Variants in HHIP observed in about 807,000 individuals in gnomAD.
HHIP encodes the protein hedgehog-interacting protein.
A neutral mutation model predicts 74.0 loss-of-function variants in HHIP; 12 were observed. That is an observed-to-expected ratio of 0.16 (90% CI 0.10 to 0.26). The LOEUF (loss-of-function observed/expected upper bound fraction) is 0.26, where lower values mean the gene tolerates loss of function less well. Among genes scored for constraint, HHIP ranks in the 10% least tolerant of loss-of-function variants. The pLI, the probability that HHIP is intolerant of heterozygous loss-of-function variation, is 1.00. For synonymous variants in HHIP, 309 were observed against 311.6 expected, an observed-to-expected ratio of 0.99 and a Z score of 0.09; for missense variants, 788 against 845.0, an observed-to-expected ratio of 0.93 and a Z score of 0.84.
Position 144,658,821 on chromosome 4 carries a change from C to T in HHIP, c.504C>T (p.Cys168=). The T allele has an allele frequency of 1.2e-6, 2 of 1,612,942 alleles. No individual in the cohort carries two copies. The highest frequency in any genetic ancestry group is 1.7e-6 in the Non-Finnish European group (2 of 1,179,326). Residue 168 remains cysteine, a synonymous_variant, in exon 3 of 13, where the codon TGC becomes TGT. Transcript: ENST00000296575. ...TTCAAACAACTGCGGATGAGTTTTG[C>T]TTTTACTATGCAAGAAAAGATGGTG... ...GFLQTTADEF[C]FYYARKDGGL... is the part of the protein sequence containing the mutation.
At chr4:144,703,570 C>A (rs1366718247) in intron 4 of HHIP, among the ~76,000 whole-genome samples, 1 of 152,020 alleles carries the variant, frequency 6.6e-6, no homozygotes, top group South Asian at 2.1e-4. Flanking sequence ...GCTGGGTTAT[C>A]GGATTTGGAA....
At chr4:144,674,610 A>T (rs1010778670) in intron 4 of HHIP, among the ~76,000 whole-genome samples, 1 of 152,204 alleles carries the variant, frequency 6.6e-6, no homozygotes, top group Admixed American at 6.5e-5. Context: ...AAAAAAAACG[A>T]ATAAATCAAT....
intron 4 of HHIP, among the ~76,000 whole-genome samples, chr4:144,679,695 T>C (rs982812390): frequency 2.6e-5 from 4 of 152,206 alleles, no homozygotes; most frequent in Non-Finnish European, 5.9e-5. Context: ...ATGTGTGGCA[T>C]TATTTCTGAG....
At chr4:144,712,316 C>A (rs1433036513) in intron 8 of HHIP, among the ~76,000 whole-genome samples, 1 of 152,052 alleles carries the variant, frequency 6.6e-6, no homozygotes, top group Non-Finnish European at 1.5e-5. Flanking sequence ...AAAAATTTAA[C>A]CGTCCTTCAA....
intron 3 of HHIP, 90 bp downstream of exon 3, chr4:144,659,036 A>G (rs758595894): frequency 9.5e-6 from 10 of 1,049,478 alleles, no homozygotes; most frequent in Middle Eastern, 2.2e-4. Flanking sequence ...GTCTGTGCTT[A>G]TGTTCAGCAG....
At chr4:144,728,132 T>C (rs1438675203) in intron 11 of HHIP, among the ~76,000 whole-genome samples, 2 of 152,210 alleles carry the variant, frequency 1.3e-5, no homozygotes, top group Non-Finnish European at 2.9e-5. Context: ...TCTGACAATG[T>C]TATTAGCAGT....
intron 4 of HHIP, among the ~76,000 whole-genome samples, chr4:144,700,709 G>T (rs1385307998): frequency 6.6e-6 from 1 of 152,090 alleles, no homozygotes; most frequent in African/African-American, 2.4e-5. Flanking sequence ...AAAGAAAATG[G>T]ATTATCTTCT....
At chr4:144,736,384 C>T (rs1314591155) in intron 12 of HHIP, among the ~76,000 whole-genome samples, 3 of 152,124 alleles carry the variant, frequency 2.0e-5, no homozygotes, top group African/African-American at 7.2e-5. Flanking sequence ...GATCTGCCAC[C>T]TTGGCCTCCC....
In HHIP at chr4:144,659,695, G is replaced by C; in HGVS notation, c.688G>C (p.Val230Leu). Residue 230 changes from valine (V) to leucine (L), a missense_variant, in exon 4 of 13, where the codon GTT becomes CTT. Transcript: ENST00000296575. The stretch of plus-strand genomic sequence containing the variant: ...GGTTGTGAGTGGGCTGCGGCAGCCC[G>C]TTGGTGCCCTGCATAGTGGGGATGG... ...QEVVSGLRQP[V>L]GALHSGDGSQ... The C allele has an allele frequency of 6.3e-7, 1 of 1,581,750 alleles. No individual in the cohort carries two copies. The highest frequency in any genetic ancestry group is 2.3e-5 in the East Asian group (1 of 44,302).
At chr4:144,674,123 T>C (rs1394024644) in intron 4 of HHIP, among the ~76,000 whole-genome samples, 1 of 152,224 alleles carries the variant, frequency 6.6e-6, no homozygotes, top group African/African-American at 2.4e-5. Flanking sequence ...ATAATTTTCA[T>C]TGTGGGTGTT....
At chr4:144,681,213 C>G (rs1162708770) in intron 4 of HHIP, among the ~76,000 whole-genome samples, 2 of 152,070 alleles carry the variant, frequency 1.3e-5, no homozygotes, top group East Asian at 3.9e-4. Context: ...CAGGGATTTT[C>G]AGGTGTATAT....
rs575269592 is a variant in HHIP, at chr4:144,691,045, C to T, written c.832-15486C>T. On this transcript the variant is annotated intron_variant, in intron 4 of 12. Transcript: ENST00000296575. ...CCATATTCCTACTTCAAGACTGTTT[C>T]GAAATGCTGTGTAATATTACACAAA... is the stretch of plus-strand genomic sequence containing the variant. Among the ~76,000 whole-genome samples the T allele has an allele frequency of 5.3e-5, 8 of 152,142 alleles. No individual in the cohort carries two copies. In the South Asian group the frequency reaches 1.2e-3, roughly 24 times the overall value.
chr4:144,714,198 T>C (rs1730381086), intron 8 of HHIP, 27 bp from the exon 9 acceptor site: 1 of 1,598,152 alleles, frequency 6.3e-7, no homozygotes, highest in Non-Finnish European at 8.6e-7. Context: ...TATGTTTCAT[T>C]TGATCTAATG....
At chr4:144,686,057 C>T (rs1398162709) in intron 4 of HHIP, among the ~76,000 whole-genome samples, 1 of 152,124 alleles carries the variant, frequency 6.6e-6, no homozygotes, top group Non-Finnish European at 1.5e-5. Context: ...GAACATTACA[C>T]TGGGATGTGG....
rs1728454291 is a variant in HHIP, at chr4:144,652,671, T to C, written c.346T>C (p.Ser116Pro). The C allele has an allele frequency of 6.2e-7, 1 of 1,611,240 alleles. No individual in the cohort carries two copies. Among genetic ancestry groups the C allele is most frequent in the Non-Finnish European group, 8.5e-7 (1 of 1,177,598 alleles). ...LLEEIKCALC[S>P]PHSQSLFHSP... Reference sequence around the variant, plus strand: ...GGAGGAAATCAAATGTGCACTTTGCTCTCCACATTCTCAAAGCCTGTTCCA... The same window carrying C: ...GGAGGAAATCAAATGTGCACTTTGCCCTCCACATTCTCAAAGCCTGTTCCA... The change falls in exon 2 of 13, where the codon TCT becomes CCT. Residue 116 changes from serine to proline, a missense_variant. By Grantham distance (74) the Ser-to-Pro change is moderately conservative (BLOSUM62 -1). Around this residue, in one of 3 missense-constraint regions of HHIP, gnomAD observed 373 missense variants for 366.4 expected, o/e 1.02. Coordinates refer to ENST00000296575, the MANE Select transcript of HHIP (RefSeq NM_022475.3).
intron 4 of HHIP, among the ~76,000 whole-genome samples, chr4:144,665,162 G>A (rs1728826894): frequency 6.6e-6 from 1 of 152,002 alleles, no homozygotes; most frequent in Non-Finnish European, 1.5e-5. Context: ...GTAACCTCCT[G>A]GGTTCAAGAG....
chr4:144,659,019 A>T, intron 3 of HHIP, 73 bp downstream of exon 3: 2 of 1,257,878 alleles, frequency 1.6e-6, no homozygotes, highest in Non-Finnish European at 2.2e-6. Context: ...TTGACAGTGA[A>T]TCAACTGTCT....
chr4:144,715,274 A>G, intron 9 of HHIP, 26 bp from the exon 10 acceptor site: 1 of 1,603,056 alleles, frequency 6.2e-7, no homozygotes, highest in Non-Finnish European at 8.5e-7. Context: ...TATTCATTGT[A>G]GCTTTATGGT....
intron 4 of HHIP, among the ~76,000 whole-genome samples, chr4:144,691,511 C>A (rs1481196178): frequency 6.6e-6 from 1 of 152,060 alleles, no homozygotes; most frequent in African/African-American, 2.4e-5. Context: ...CTTTTTTAAC[C>A]ATTTGATGAT....
Sources: allele counts gnomAD v4.1 joint callset (sites outside exome capture counted in the v4.1 genomes callset), GRCh38; gene constraint gnomAD v4.1.1; regional missense constraint gnomAD v4.1.1; transcripts MANE v1.5; gene names NCBI Gene and HGNC (gene_info 2026-07-23, HGNC 2026-07-21).